Variants in PCDHA7 observed in about 807,000 individuals in gnomAD.
PCDHA7 encodes the protein protocadherin alpha-7.
PCDHA7 carries 37 observed loss-of-function variants against 57.2 expected under a neutral mutation model. The observed-to-expected ratio is 0.65, with a 90% CI of 0.50 to 0.85. The LOEUF is 0.85. Among genes scored for constraint, PCDHA7 ranks in the 40% least tolerant of loss-of-function variants. The pLI is 0.00. For synonymous variants in PCDHA7, 553 were observed against 558.8 expected (o/e 0.99, Z 0.15); for missense variants, 1,188 against 1,241.8 (o/e 0.96, Z 0.65).
chr5:140,854,977 T>TAAA (rs1554147539), intron 1 of PCDHA7, among the ~76,000 whole-genome samples: 1 of 149,962 alleles, frequency 6.7e-6, no homozygotes, highest in Non-Finnish European at 1.5e-5. Flanking sequence ...GAATTATAAT[T>TAAA]AAGATTCTTT....
In PCDHA7 at chr5:141,006,360, C is replaced by T. The variant is rs898915080; in HGVS notation, c.2504-3267C>T. ...CTGAGTAGCTGGGACTATAGGCGCC[C>T]ACCACCACGCCCGGCTAAGTTTTTT... On this transcript the variant is annotated intron_variant, in intron 3 of 3. Coordinates refer to ENST00000525929, the MANE Select transcript of PCDHA7 (RefSeq NM_018910.3). Among the ~76,000 whole-genome samples, 9 of 151,982 alleles carry T rather than the reference C, an allele frequency of 5.9e-5. 1 individual carries two copies. The highest frequency in any genetic ancestry group is 1.2e-4 in the Non-Finnish European group (8 of 67,998).
Position 140,883,224 on chromosome 5 carries a change from C to A in PCDHA7, c.2355+46486C>A, listed in dbSNP as rs782659730. The stretch of plus-strand genomic sequence containing the variant: ...GAAGAAAAGAAATTATATGAAATAT[C>A]CGTGGAGGCAGTTGACAAAGGAAAT... On this transcript the variant is annotated intron_variant, in intron 1 of 3. Transcript: ENST00000525929. The A allele has an allele frequency of 1.2e-5, 20 of 1,613,828 alleles. 2 individuals carry two copies. In the South Asian group the frequency reaches 2.2e-4, roughly 18 times the overall value.
chr5:140,854,873 T>C (rs575703507), intron 1 of PCDHA7, among the ~76,000 whole-genome samples: 7 of 150,078 alleles, frequency 4.7e-5, no homozygotes, highest in African/African-American at 1.7e-4. Flanking sequence ...TTCAGAACTG[T>C]GTCTTTTGGG....
At chr5:140,968,920 A>G (rs781931367) in intron 1 of PCDHA7, 1 of 1,614,120 alleles carries the variant, frequency 6.2e-7, no homozygotes, top group Admixed American at 1.7e-5. Flanking sequence ...TGTCTTTTAT[A>G]TTTCTTTTGA....
At chr5:140,973,272 TC>T (rs1412629943) in intron 1 of PCDHA7, among the ~76,000 whole-genome samples, 1 of 152,134 alleles carries the variant, frequency 6.6e-6, no homozygotes, top group African/African-American at 2.4e-5. Flanking sequence ...TACTTTTATT[TC>T]CCCCAGCACT....
intron 1 of PCDHA7, among the ~76,000 whole-genome samples, chr5:140,965,377 A>G (rs1479954226): frequency 6.6e-6 from 1 of 152,190 alleles, no homozygotes; most frequent in Non-Finnish European, 1.5e-5. Flanking sequence ...AAACTTGGGG[A>G]CACAGAAGAA....
intron 1 of PCDHA7, chr5:140,851,223 A>C: frequency 8.7e-7 from 1 of 1,147,456 alleles, no homozygotes; most frequent in Admixed American, 4.0e-5. Flanking sequence ...TAACATCACT[A>C]TCATTTATTT....
chr5:140,967,725 T>C lies in PCDHA7; in HGVS notation c.2356-11224T>C, dbSNP rs782758957. 16 of 1,613,798 alleles carry C rather than the reference T, an allele frequency of 9.9e-6. No individual in the cohort carries two copies. The East Asian group carries it at 2.0e-4, about 20-fold the overall frequency. On this transcript the variant is annotated intron_variant, in intron 1 of 3. Transcript: ENST00000525929. ...GCCAGTACCGGGGAAGTGCGAGTAA[T>C]TGGGGGGCTGGATTATGAGGAAGCC...
intron 1 of PCDHA7, chr5:140,865,271 T>C (rs1554159342): frequency 6.6e-6 from 1 of 152,236 alleles, no homozygotes; most frequent in East Asian, 1.9e-4. Flanking sequence ...TCAAATTATA[T>C]GTAAAATTAC....
intron 1 of PCDHA7, among the ~76,000 whole-genome samples, chr5:140,951,145 TG>T (rs1554219754): frequency 9.9e-6 from 1 of 100,698 alleles, no homozygotes; most frequent in African/African-American, 4.8e-5. Flanking sequence ...TTTATCTTAT[TG>T]AATATAGTTA....
At chr5:140,979,836 T>C (rs1463731318) in intron 2 of PCDHA7, among the ~76,000 whole-genome samples, 2 of 152,216 alleles carry the variant, frequency 1.3e-5, no homozygotes, top group Non-Finnish European at 2.9e-5. Flanking sequence ...GAAGAAATAA[T>C]CTTCAAACTT....
At chr5:140,879,235 A>G (rs904336289) in intron 1 of PCDHA7, among the ~76,000 whole-genome samples, 5 of 152,240 alleles carry the variant, frequency 3.3e-5, no homozygotes, top group Middle Eastern at 3.2e-3. Flanking sequence ...CATATACAAG[A>G]GGCACTGGCA....
chr5:140,837,977 C>A (rs1377931639), intron 1 of PCDHA7, among the ~76,000 whole-genome samples: 4 of 151,682 alleles, frequency 2.6e-5, no homozygotes, highest in African/African-American at 4.9e-5. Flanking sequence ...CCACACCCAG[C>A]CTGCCTTTCA....
At position 140,836,436 on chromosome 5, in the gene PCDHA7, G is replaced by A. The variant is rs1195331479; in HGVS notation, c.2053G>A (p.Gly685Ser). 1.9e-6 allele frequency: 3 copies of A among 1,613,702 alleles called. No homozygotes were observed. Among genetic ancestry groups the A allele is most frequent in the Non-Finnish European group, 2.5e-6 (3 of 1,179,860 alleles). ...APKASSRASLGIAGPETELVD... is the reference protein window; with the variant it reads ...APKASSRASLSIAGPETELVD... The stretch of plus-strand genomic sequence containing the variant: ...AAAGGCGTCGTCGCGGGCATCGTTG[G>A]GCATTGCAGGCCCAGAGACCGAGCT... The change falls in exon 1 of 4, where the codon GGC becomes AGC. Residue 685 changes from glycine (G) to serine (S), a missense_variant. Physicochemically the swap from Gly to Ser is moderately conservative, Grantham distance 56. Coordinates refer to ENST00000525929, the MANE Select transcript of PCDHA7 (RefSeq NM_018910.3).
At chr5:140,970,960 G>T (rs3776114) in intron 1 of PCDHA7, among the ~76,000 whole-genome samples, 54,597 of 152,034 alleles carry the variant, frequency 0.36, 10,036 homozygotes, top group Admixed American at 0.46. Context: ...ATGGGAGGCA[G>T]ATTGTAGATT....
At chr5:140,874,890 C>A (rs150583747) in intron 1 of PCDHA7, among the ~76,000 whole-genome samples, 2 of 152,276 alleles carry the variant, frequency 1.3e-5, no homozygotes, top group Admixed American at 1.3e-4. Context: ...TCCTAACTTT[C>A]TCTAAAATCT....
intron 1 of PCDHA7, chr5:140,877,206 C>G (rs782807049): frequency 6.2e-7 from 1 of 1,613,768 alleles, no homozygotes; most frequent in South Asian, 1.1e-5. Context: ...GCGCAGTTAG[C>G]GAGTTGGTAC....
At chr5:140,926,749 G>C (rs541261946) in intron 1 of PCDHA7, 4 of 1,237,260 alleles carry the variant, frequency 3.2e-6, no homozygotes, top group Non-Finnish European at 3.1e-6. Context: ...CAACGTCGGC[G>C]GTCGCTGAGT....
At chr5:140,967,934 A>G (rs781977227) in intron 1 of PCDHA7, 4 of 1,614,172 alleles carry the variant, frequency 2.5e-6, no homozygotes, top group Non-Finnish European at 2.5e-6. Flanking sequence ...TCTCAGTGTC[A>G]ATGACCAAGA....
Sources: allele counts gnomAD v4.1 joint callset (sites outside exome capture counted in the v4.1 genomes callset), GRCh38; gene constraint gnomAD v4.1.1; transcripts MANE v1.5; gene names NCBI Gene and HGNC (gene_info 2026-07-23, HGNC 2026-07-21).